SPHKAP: variants seen among roughly 807,000 people sequenced by gnomAD.
SPHKAP encodes the protein A-kinase anchor protein SPHKAP.
In SPHKAP, 67 loss-of-function variants were observed where a neutral mutation model predicts 137.5. The observed-to-expected ratio is 0.49, with a 90% confidence interval of 0.40 to 0.60. The LOEUF is 0.60. SPHKAP is among the 20% of genes least tolerant of loss of function. SPHKAP has a pLI of 0.00. For synonymous variants in SPHKAP, 813 were observed against 785.3 expected, an observed-to-expected ratio of 1.04 and a Z score of -0.59; for missense variants, 2,097 against 2,069.3, an observed-to-expected ratio of 1.01 and a Z score of -0.26.
Position 228,018,289 on chromosome 2 carries a change from G to C in SPHKAP, c.2565C>G (p.Ala855=). ...TTGGGGACCTTTGTCCTTCGGAAGA[G>C]GCTCTGCATTCATTCTCACTGTGAT... ...SPHHSENECR[A]SSEGQRSPTV... Residue 855 remains alanine, a synonymous_variant, in exon 7 of 12, where the codon GCC becomes GCG. Transcript: ENST00000392056. The C allele has an allele frequency of 6.2e-7, 1 of 1,614,202 alleles. No homozygotes were observed. The highest frequency in any genetic ancestry group is 8.5e-7 in the Non-Finnish European group (1 of 1,180,028).
intron 1 of SPHKAP, among the ~76,000 whole-genome samples, chr2:228,180,605 G>A (rs1700877490): frequency 2.0e-5 from 3 of 152,184 alleles, no homozygotes; most frequent in African/African-American, 7.2e-5. Context: ...GCCCAGGAGA[G>A]GTGGGGCTGC....
chr2:228,071,464 G>A (rs1697002845), intron 3 of SPHKAP, among the ~76,000 whole-genome samples: 1 of 152,230 alleles, frequency 6.6e-6, no homozygotes, highest in Non-Finnish European at 1.5e-5. Flanking sequence ...ACCATTCTTT[G>A]CTGGCACTAA....
rs187771769 is a variant in SPHKAP, at chr2:228,140,900, A to C, written c.33-8815T>G. Reference sequence around the variant, plus strand: ...AGCTTCCAGAGGCCTCCACAGAAGCAGATGCCAGTGTTATGCTTCTTGTAC... The same window carrying C: ...AGCTTCCAGAGGCCTCCACAGAAGCCGATGCCAGTGTTATGCTTCTTGTAC... On this transcript the variant is annotated intron_variant, in intron 1 of 11. Transcript: ENST00000392056. Among the ~76,000 whole-genome samples the C allele has an allele frequency of 6.2e-4, 94 of 152,296 alleles. 1 individual carries two copies. The highest frequency in any genetic ancestry group is 2.1e-3 in the African/African-American group (88 of 41,574).
chr2:227,991,093 G>C lies in SPHKAP; in HGVS notation c.4866C>G (p.Ala1622=), dbSNP rs566744245. The change falls in exon 11 of 12, where the codon GCC becomes GCG. Residue 1622 remains alanine, a synonymous_variant. Coordinates refer to ENST00000392056, the MANE Select transcript of SPHKAP (RefSeq NM_001142644.2). ...TCCACTGCAGAGTGGCTCGGAGCTC[G>C]GCATCTGGACACTCTGGCTCCAGGT... ...NFDLEPECPD[A]ELRATLQWIA... is the part of the protein sequence containing the mutation. 5 of 1,613,840 alleles carry C rather than the reference G, an allele frequency of 3.1e-6. No individual in the cohort carries two copies. Among genetic ancestry groups the C allele is most frequent in the Non-Finnish European group, 4.2e-6 (5 of 1,179,988 alleles).
intron 1 of SPHKAP, among the ~76,000 whole-genome samples, chr2:228,166,677 T>A (rs1700431519): frequency 6.6e-6 from 1 of 152,212 alleles, no homozygotes; most frequent in South Asian, 2.1e-4. Flanking sequence ...GAAAATGTTA[T>A]CATTAATATT....
intron 1 of SPHKAP, among the ~76,000 whole-genome samples, chr2:228,169,102 G>A (rs1281813927): frequency 6.6e-6 from 1 of 152,140 alleles, no homozygotes; most frequent in Non-Finnish European, 1.5e-5. Flanking sequence ...GCAGAGGTTG[G>A]TTCATGAGGT....
At chr2:228,015,094 C>T (rs1694524342) in intron 7 of SPHKAP, among the ~76,000 whole-genome samples, 1 of 143,234 alleles carries the variant, frequency 7.0e-6, no homozygotes, top group Non-Finnish European at 1.5e-5. Context: ...CAACAGTCCC[C>T]AGAGTGTGAT....
intron 2 of SPHKAP, among the ~76,000 whole-genome samples, chr2:228,109,859 G>T (rs1441327757): frequency 6.9e-6 from 1 of 144,450 alleles, no homozygotes; most frequent in Non-Finnish European, 1.5e-5. Context: ...CCCAGCTACT[G>T]AGACAGGAGA....
At chr2:228,076,113 G>A (rs1372774594) in intron 3 of SPHKAP, among the ~76,000 whole-genome samples, 1 of 152,168 alleles carries the variant, frequency 6.6e-6, no homozygotes, top group Non-Finnish European at 1.5e-5. Context: ...TTTGCCTGCT[G>A]CCATCCACAT....
chr2:228,173,606 A>G (rs957308434), intron 1 of SPHKAP, among the ~76,000 whole-genome samples: 2 of 152,090 alleles, frequency 1.3e-5, no homozygotes, highest in East Asian at 1.9e-4. Flanking sequence ...CAAGCAATGT[A>G]AGCAGCCTCC....
intron 3 of SPHKAP, among the ~76,000 whole-genome samples, chr2:228,097,196 A>G (rs898515419): frequency 4.6e-5 from 7 of 152,194 alleles, no homozygotes; most frequent in African/African-American, 1.7e-4. Context: ...GATAATTGCT[A>G]TAATCACAGG....
chr2:228,151,835 T>A (rs574398022), intron 1 of SPHKAP, among the ~76,000 whole-genome samples: 16 of 152,158 alleles, frequency 1.1e-4, no homozygotes, highest in Non-Finnish European at 2.2e-4. Flanking sequence ...ATATTTAGTA[T>A]TATATTTAGC....
At chr2:228,013,481 G>A (rs1182105965) in intron 7 of SPHKAP, among the ~76,000 whole-genome samples, 3 of 152,078 alleles carry the variant, frequency 2.0e-5, no homozygotes, top group Non-Finnish European at 4.4e-5. Context: ...TCCTGACCTC[G>A]TGATCCATCT....
chr2:228,109,279 TTTAGTGCTAGTG>T, intron 2 of SPHKAP: 1 of 751,826 alleles, frequency 1.3e-6, no homozygotes, highest in Non-Finnish European at 1.6e-6. Context: ...TCAAATTTCA[TTTAGTGCTAGTG>T]TTCTTTCACA....
intron 9 of SPHKAP, among the ~76,000 whole-genome samples, chr2:227,992,949 CCTCT>C (rs1204934612): frequency 1.3e-5 from 2 of 152,072 alleles, no homozygotes; most frequent in Non-Finnish European, 2.9e-5. Flanking sequence ...CTCATGCTGC[CCTCT>C]CTTTTTGCGC....
intron 1 of SPHKAP, among the ~76,000 whole-genome samples, chr2:228,141,688 A>G (rs769131670): frequency 2.6e-4 from 40 of 152,318 alleles, no homozygotes; most frequent in Admixed American, 1.2e-3. Flanking sequence ...TTATTCTAAG[A>G]CAATACAAAG....
intron 2 of SPHKAP, among the ~76,000 whole-genome samples, chr2:228,128,458 C>A (rs913186467): frequency 6.6e-6 from 1 of 152,040 alleles, no homozygotes; most frequent in African/African-American, 2.4e-5. Flanking sequence ...TGCATTGAAC[C>A]CTTCAGTCAT....
chr2:228,114,536 G>C (rs771984985), intron 2 of SPHKAP, among the ~76,000 whole-genome samples: 1 of 152,034 alleles, frequency 6.6e-6, no homozygotes, highest in Non-Finnish European at 1.5e-5. Context: ...TAGTTTTTAC[G>C]TCTATTACAT....
At chr2:228,139,987 C>T (rs1456458435) in intron 1 of SPHKAP, among the ~76,000 whole-genome samples, 1 of 109,354 alleles carries the variant, frequency 9.1e-6, no homozygotes, top group Non-Finnish European at 2.0e-5. Flanking sequence ...CTCTTTTGCC[C>T]AGGCTGGAGT....
Sources: allele counts gnomAD v4.1 joint callset (sites outside exome capture counted in the v4.1 genomes callset), GRCh38; gene constraint gnomAD v4.1.1; transcripts MANE v1.5; gene names NCBI Gene and HGNC (gene_info 2026-07-23, HGNC 2026-07-21).